The following ARMH3 variants were observed in gnomAD, a reference collection of about 807,000 sequenced individuals.
ARMH3 encodes the protein armadillo-like helical domain-containing protein 3.
In ARMH3, 60 loss-of-function variants were observed where a neutral mutation model predicts 99.1. The observed-to-expected ratio is 0.61, with a 90% CI of 0.49 to 0.75. The LOEUF (loss-of-function observed/expected upper bound fraction) is 0.75, where lower values mean the gene tolerates loss of function less well. Ranked by LOEUF, ARMH3 falls within the 30% of genes least tolerant of loss-of-function variation. The probability of loss-of-function intolerance (pLI) is 0.00; values close to 1 mark genes in which losing one functional copy is unlikely to be tolerated. For missense variants in ARMH3, 679 were observed against 843.1 expected (o/e 0.81, Z 2.41); for synonymous variants, 285 against 292.8 (o/e 0.97, Z 0.27).
chr10:102,051,709 G>A (rs1457293029), intron 1 of ARMH3, among the ~76,000 whole-genome samples: 1 of 152,140 alleles, frequency 6.6e-6, no homozygotes, highest in Non-Finnish European at 1.5e-5. Flanking sequence ...CCAAGACTAA[G>A]AAGCAAATGG....
At chr10:101,921,188 T>C (rs899094478) in intron 23 of ARMH3, among the ~76,000 whole-genome samples, 5 of 152,224 alleles carry the variant, frequency 3.3e-5, no homozygotes, top group Admixed American at 2.6e-4. Flanking sequence ...TACTGATATA[T>C]ACCACAAAGT....
intron 24 of ARMH3, among the ~76,000 whole-genome samples, chr10:101,862,686 A>T (rs1239965139): frequency 6.6e-6 from 1 of 152,218 alleles, no homozygotes; most frequent in Non-Finnish European, 1.5e-5. Flanking sequence ...AAATGTCAAT[A>T]GCAGATATAA....
chr10:101,900,123 AT>A (rs1183309889), intron 23 of ARMH3, among the ~76,000 whole-genome samples: 1 of 152,218 alleles, frequency 6.6e-6, no homozygotes, highest in Admixed American at 6.5e-5. Context: ...TAAAACACCT[AT>A]AAGATTATCC....
rs573697179 is a variant in ARMH3, at chr10:101,944,997, A to T, written c.1706-5059T>A. 2.0e-5 allele frequency among the ~76,000 whole-genome samples: 3 copies of T among 152,232 alleles called. No homozygotes were observed. In the South Asian group the frequency reaches 6.2e-4, roughly 31 times the overall value. On this transcript the variant is annotated intron_variant, in intron 22 of 25. Transcript: ENST00000370033. Reference sequence around the variant, plus strand: ...TTTTAAAAAATGGTGTTCTACTTCCAGCATGGCAGAGTAAGCCCACTAAAG... The same window carrying T: ...TTTTAAAAAATGGTGTTCTACTTCCTGCATGGCAGAGTAAGCCCACTAAAG...
intron 23 of ARMH3, among the ~76,000 whole-genome samples, chr10:101,895,919 A>C (rs1303348431): frequency 6.6e-6 from 1 of 152,224 alleles, no homozygotes; most frequent in Non-Finnish European, 1.5e-5. Flanking sequence ...AGGGAAATCC[A>C]AATCAAAACC....
At chr10:101,961,110 C>T (rs930409029) in intron 20 of ARMH3, among the ~76,000 whole-genome samples, 5 of 152,116 alleles carry the variant, frequency 3.3e-5, no homozygotes, top group Non-Finnish European at 5.9e-5. Context: ...CCTCAGCTAC[C>T]TGTTAAAGTA....
At chr10:101,929,540 T>C (rs1409913466) in intron 23 of ARMH3, among the ~76,000 whole-genome samples, 1 of 151,988 alleles carries the variant, frequency 6.6e-6, no homozygotes. Flanking sequence ...TTTATTGAAG[T>C]GGGTGTTGTG....
rs755731650 is a variant in ARMH3 at position 102,040,116 on chromosome 10, G to T, written c.-2C>A. On this transcript the variant is annotated 5_prime_UTR_variant, in exon 2 of 26. Transcript: ENST00000370033. ...TCCACGTTTCTCTACCTGTGCCATG[G>T]TTAGAGAATCTGTGAACAGAAAGTC... 3.1e-6 allele frequency: 5 copies of T among 1,613,536 alleles called. No individual in the cohort carries two copies. In the South Asian group the frequency reaches 5.5e-5, roughly 18 times the overall value.
At chr10:101,922,035 C>T (rs895148748) in intron 23 of ARMH3, among the ~76,000 whole-genome samples, 4 of 152,142 alleles carry the variant, frequency 2.6e-5, no homozygotes, top group African/African-American at 7.2e-5. Context: ...TGATGATGGA[C>T]ACCCAAGATA....
chr10:102,044,799 G>C (rs1441591527), intron 1 of ARMH3, among the ~76,000 whole-genome samples: 3 of 151,692 alleles, frequency 2.0e-5, no homozygotes, highest in Non-Finnish European at 2.9e-5. Context: ...GAAAAGAAGA[G>C]AAGAAAAGAA....
chr10:101,884,056 C>T (rs4919599), intron 24 of ARMH3, among the ~76,000 whole-genome samples: 30,751 of 151,282 alleles, frequency 0.2, 3,415 homozygotes, highest in East Asian at 0.49. Context: ...AGGCCACTAG[C>T]GAGGGACAAG....
chr10:101,921,224 G>C (rs995807258), intron 23 of ARMH3, among the ~76,000 whole-genome samples: 8 of 152,254 alleles, frequency 5.3e-5, no homozygotes, highest in East Asian at 1.9e-4. Flanking sequence ...ACCTGATATT[G>C]AGTGAAAGAA....
chr10:101,849,986 G>C lies in ARMH3; in HGVS notation c.1861-94C>G, dbSNP rs993714059. On this transcript the variant is annotated intron_variant, in intron 24 of 25. Transcript: ENST00000370033. ...TGATCTACTGGGTTGGGTTTGGTCT[G>C]TGACAACACCCCCAAGAAACCTTGC... 4 of 1,031,398 alleles carry C rather than the reference G, an allele frequency of 3.9e-6. No homozygotes were observed. In the African/African-American group the frequency reaches 6.4e-5, roughly 16 times the overall value. 63.9% of individuals were successfully genotyped at this position (1,031,398 alleles called of 1,614,324 possible). A position where few individuals can be genotyped will look rare whatever the true frequency, so the allele number is the denominator to read the frequency against.
chr10:101,949,096 C>T (rs1418130758), intron 22 of ARMH3, among the ~76,000 whole-genome samples: 1 of 151,618 alleles, frequency 6.6e-6, no homozygotes. Flanking sequence ...TAAAGCAGTA[C>T]TTAAAGGGAA....
At position 101,847,398 on chromosome 10, in the gene ARMH3, C is replaced by A; in HGVS notation, c.*130G>T. 1.1e-6 allele frequency: 1 copy of A among 902,030 alleles called. No homozygotes were observed. Among genetic ancestry groups the A allele is most frequent in the Non-Finnish European group, 1.8e-6 (1 of 562,088 alleles). The allele number at this position is 902,030 out of a possible 1,614,324, so 55.9% of individuals were successfully genotyped here. On this transcript the variant is annotated 3_prime_UTR_variant, in exon 26 of 26. Coordinates refer to ENST00000370033, the MANE Select transcript of ARMH3 (RefSeq NM_024541.3). ...TGCCCAAGCTCCATTGAAGTGCGGTCTTCACCAAGAGAACTTGGTATCTGT... is the reference window on the plus strand; with the variant it reads ...TGCCCAAGCTCCATTGAAGTGCGGTATTCACCAAGAGAACTTGGTATCTGT...
intron 22 of ARMH3, among the ~76,000 whole-genome samples, chr10:101,940,343 T>TTAA (rs928990853): frequency 3.1e-4 from 47 of 152,196 alleles, no homozygotes; most frequent in African/African-American, 1.1e-3. Flanking sequence ...GCTGGCTTAG[T>TTAA]TGATGTCCCT....
intron 1 of ARMH3, among the ~76,000 whole-genome samples, chr10:102,054,913 T>C (rs1249826693): frequency 6.6e-6 from 1 of 150,446 alleles, no homozygotes; most frequent in Non-Finnish European, 1.5e-5. Flanking sequence ...GAAGAATCGC[T>C]CGAACCTGGA....
At chr10:102,045,225 A>G (rs1457609277) in intron 1 of ARMH3, among the ~76,000 whole-genome samples, 1 of 152,142 alleles carries the variant, frequency 6.6e-6, no homozygotes, top group East Asian at 1.9e-4. Context: ...TCATTCGACA[A>G]ATTTTTTTTG....
At chr10:102,053,214 TAAAAAAAAAAA>T (rs1191838493) in intron 1 of ARMH3, among the ~76,000 whole-genome samples, 22 of 49,032 alleles carry the variant, frequency 4.5e-4, no homozygotes, top group Middle Eastern at 0.015. Context: ...CCTCAGAAGC[TAAAAAAAAAAA>T]AAAAAAAAAA....
Sources: gnomAD v4.1 joint callset for allele counts (sites outside exome capture counted in the v4.1 genomes callset) on GRCh38, gnomAD v4.1.1 for gene constraint, MANE v1.5 for transcripts, NCBI Gene and HGNC (gene_info 2026-07-23, HGNC 2026-07-21) for gene names.